Variants in C8orf34 observed in about 807,000 individuals in gnomAD.
C8orf34 encodes uncharacterized protein C8orf34.
A neutral mutation model predicts 68.3 loss-of-function variants in C8orf34; 65 were observed. The observed-to-expected ratio is 0.95, with a 90% CI of 0.78 to 1.17. The LOEUF (loss-of-function observed/expected upper bound fraction) is 1.17, where lower values mean the gene tolerates loss of function less well. C8orf34 is among the 50% of genes most tolerant of loss of function. C8orf34 has a pLI of 0.00. For missense variants in C8orf34, 664 were observed against 655.4 expected (o/e 1.01, Z -0.14); for synonymous variants, 244 against 241.2 (o/e 1.01, Z -0.11).
chr8:68,538,228 A>T (rs1815560407), intron 7 of C8orf34, among the ~76,000 whole-genome samples: 1 of 152,296 alleles, frequency 6.6e-6, no homozygotes, highest in East Asian at 1.9e-4. Context: ...CTTTTCACTG[A>T]GTACCTTGTA....
intron 7 of C8orf34, among the ~76,000 whole-genome samples, chr8:68,545,201 G>A (rs1056163348): frequency 5.9e-5 from 9 of 152,070 alleles, no homozygotes; most frequent in East Asian, 5.8e-4. Context: ...TACTGTTCCC[G>A]TGGTAGTGAA....
chr8:68,817,609 A>T (rs1399619805), intron 13 of C8orf34, among the ~76,000 whole-genome samples: 1 of 152,170 alleles, frequency 6.6e-6, no homozygotes, highest in East Asian at 1.9e-4. Flanking sequence ...ACTATGATAC[A>T]AAGCAGAAAA....
intron 7 of C8orf34, among the ~76,000 whole-genome samples, chr8:68,561,362 CA>C (rs146742009): frequency 0.21 from 32,269 of 151,272 alleles, 4,470 homozygotes; most frequent in African/African-American, 0.4. Context: ...TACAGCTATA[CA>C]AAAAAAAATC....
intron 1 of C8orf34, among the ~76,000 whole-genome samples, chr8:68,399,196 A>G (rs1208872227): frequency 2.0e-5 from 3 of 152,022 alleles, no homozygotes; most frequent in Non-Finnish European, 2.9e-5. Flanking sequence ...TGGGGGTACA[A>G]TTGTAATTTT....
chr8:68,705,938 A>G (rs1358103802), intron 8 of C8orf34, among the ~76,000 whole-genome samples: 2 of 152,180 alleles, frequency 1.3e-5, no homozygotes, highest in African/African-American at 4.8e-5. Flanking sequence ...GCGCGTTGGA[A>G]AGGTAGTGAA....
chr8:68,512,037 A>T (rs1360699290), intron 5 of C8orf34, among the ~76,000 whole-genome samples: 1 of 152,184 alleles, frequency 6.6e-6, no homozygotes, highest in East Asian at 1.9e-4. Context: ...AGTTATCAGA[A>T]GCCTGTATTT....
At chr8:68,433,130 G>A (rs188291249) in intron 1 of C8orf34, among the ~76,000 whole-genome samples, 1 of 152,092 alleles carries the variant, frequency 6.6e-6, no homozygotes, top group Non-Finnish European at 1.5e-5. Flanking sequence ...ATACTGTTGG[G>A]TAGTGGTGGT....
chr8:68,628,148 T>C lies in C8orf34; in HGVS notation c.1106-12228T>C, dbSNP rs558065473. The stretch of plus-strand genomic sequence containing the variant: ...CACTTAAATTCCACCAGACCCTCTT[T>C]TTCCAAATGCAATTCTAACTTAAAT... On this transcript the variant is annotated intron_variant, in intron 7 of 13. Coordinates refer to ENST00000518698, the MANE Select transcript of C8orf34 (RefSeq NM_052958.4). 7.2e-4 allele frequency among the ~76,000 whole-genome samples: 109 copies of C among 152,270 alleles called. 1 individual carries two copies. The highest frequency in any genetic ancestry group is 6.8e-3 in the Middle Eastern group (2 of 294).
At chr8:68,670,546 C>T (rs1444167421) in intron 8 of C8orf34, among the ~76,000 whole-genome samples, 1 of 152,096 alleles carries the variant, frequency 6.6e-6, no homozygotes, top group Admixed American at 6.6e-5. Flanking sequence ...AAGTTCTACC[C>T]CTCACCTTCC....
Position 68,573,608 on chromosome 8 carries a change from G to GA in C8orf34, c.1105+40465dup, listed in dbSNP as rs139538275. Among the ~76,000 whole-genome samples the GA allele has an allele frequency of 5.9e-5, 9 of 152,226 alleles. No individual in the cohort carries two copies. In the East Asian group the frequency reaches 1.5e-3, roughly 26 times the overall value. ...TACTCTAGTTAAAAGTGGCGTCCAG[G>GA]AAAAAACGTGATGGCCTGAGCAATA... On this transcript the variant is annotated intron_variant, in intron 7 of 13. Transcript: ENST00000518698.
chr8:68,428,539 A>G (rs1810325187), intron 1 of C8orf34, among the ~76,000 whole-genome samples: 1 of 152,132 alleles, frequency 6.6e-6, no homozygotes, highest in Non-Finnish European at 1.5e-5. Context: ...TAACCATTAA[A>G]AGAATATTAA....
intron 4 of C8orf34, among the ~76,000 whole-genome samples, chr8:68,474,405 A>T (rs992648251): frequency 6.6e-6 from 1 of 151,976 alleles, no homozygotes; most frequent in Non-Finnish European, 1.5e-5. Flanking sequence ...TTCCTCTAAG[A>T]TATGTTTTGA....
intron 1 of C8orf34, among the ~76,000 whole-genome samples, chr8:68,406,151 A>G (rs1167653124): frequency 6.6e-6 from 1 of 152,204 alleles, no homozygotes; most frequent in Admixed American, 6.5e-5. Context: ...CAGGGGAAAC[A>G]GAGAGGAAAC....
upstream of C8orf34, chr8:68,330,616 A>G (rs1031911395): frequency 1.1e-5 from 2 of 174,352 alleles, no homozygotes; most frequent in African/African-American, 4.8e-5. Flanking sequence ...TGTAGCTGCC[A>G]AGGAGTAGCC....
rs13264250 is a variant in C8orf34, at chr8:68,485,834, T to C, written c.737-2189T>C. ...ATTATTTAATTTCAGATATCTAAGC[T>C]TTATGACTTTGGGTGAGAAACAGAA... is the stretch of plus-strand genomic sequence containing the variant. On this transcript the variant is annotated intron_variant, in intron 4 of 13. Coordinates refer to ENST00000518698, the MANE Select transcript of C8orf34 (RefSeq NM_052958.4). 2.3e-3 allele frequency among the ~76,000 whole-genome samples: 350 copies of C among 151,866 alleles called. 1 individual carries two copies. The highest frequency in any genetic ancestry group is 4.8e-3 in the South Asian group (23 of 4,822).
Position 68,758,818 on chromosome 8 carries a change from G to C in C8orf34, c.1405-17581G>C, listed in dbSNP as rs1822946263. On this transcript the variant is annotated intron_variant, in intron 10 of 13. Coordinates refer to ENST00000518698, the MANE Select transcript of C8orf34 (RefSeq NM_052958.4). Reference sequence around the variant, plus strand: ...AATAGTGTATTATATCTAATAAGTAGACTTCCTTACTAAATGGTCCGGACT... The same window carrying C: ...AATAGTGTATTATATCTAATAAGTACACTTCCTTACTAAATGGTCCGGACT... Among the ~76,000 whole-genome samples, 4 of 144,556 alleles carry C rather than the reference G, an allele frequency of 2.8e-5. No homozygotes were observed. The South Asian group carries it at 9.8e-4, about 35-fold the overall frequency. 94.8% of individuals were successfully genotyped at this position (144,556 alleles called of 152,430 possible).
At chr8:68,788,553 C>A (rs902020331) in intron 12 of C8orf34, among the ~76,000 whole-genome samples, 3 of 152,090 alleles carry the variant, frequency 2.0e-5, no homozygotes, top group African/African-American at 7.2e-5. Flanking sequence ...AAAACAGCAA[C>A]CATCTTCTAT....
At chr8:68,790,329 T>A (rs1040897040) in intron 12 of C8orf34, among the ~76,000 whole-genome samples, 1 of 152,240 alleles carries the variant, frequency 6.6e-6, no homozygotes, top group East Asian at 1.9e-4. Context: ...TAGAAACTTA[T>A]GAGTGAGGAA....
At chr8:68,807,660 T>G (rs1208727052) in intron 12 of C8orf34, among the ~76,000 whole-genome samples, 1 of 152,182 alleles carries the variant, frequency 6.6e-6, no homozygotes, top group Admixed American at 6.5e-5. Context: ...GGCCTTGTCA[T>G]CATGTGTGTC....
Sources: allele counts gnomAD v4.1 joint callset (sites outside exome capture counted in the v4.1 genomes callset), GRCh38; gene constraint gnomAD v4.1.1; transcripts MANE v1.5; gene names NCBI Gene and HGNC (gene_info 2026-07-23, HGNC 2026-07-21).